The following NUGGC variants were observed in gnomAD, a reference collection of about 807,000 sequenced individuals.
NUGGC encodes nuclear GTPase, germinal center associated, also known as nuclear GTPase SLIP-GC.
In NUGGC, 58 loss-of-function variants were observed where a neutral mutation model predicts 92.6. The observed-to-expected ratio is 0.63, with a 90% CI of 0.51 to 0.78. The LOEUF (loss-of-function observed/expected upper bound fraction) is 0.78. Among genes scored for constraint, NUGGC ranks in the 30% least tolerant of loss-of-function variants. The probability of loss-of-function intolerance (pLI) is 0.00; values close to 1 mark genes in which losing one functional copy is unlikely to be tolerated. For missense variants in NUGGC, 925 were observed against 964.6 expected, an observed-to-expected ratio of 0.96 and a Z score of 0.54; for synonymous variants, 376 against 366.4, an observed-to-expected ratio of 1.03 and a Z score of -0.30.
chr8:28,056,333 C>T (rs1041394325), intron 9 of NUGGC, among the ~76,000 whole-genome samples: 2 of 152,030 alleles, frequency 1.3e-5, no homozygotes, highest in Non-Finnish European at 2.9e-5. Flanking sequence ...AAAAAATTAG[C>T]TAGGCGTGGC....
chr8:28,070,063 G>A, intron 3 of NUGGC, 189 bp downstream of exon 3: 1 of 978,650 alleles, frequency 1.0e-6, no homozygotes, highest in Non-Finnish European at 1.2e-6. Flanking sequence ...CAACCCTCCT[G>A]CCCACAGATG....
At chr8:28,059,211 T>C (rs1810229265) in intron 8 of NUGGC, among the ~76,000 whole-genome samples, 1 of 152,100 alleles carries the variant, frequency 6.6e-6, no homozygotes, top group Non-Finnish European at 1.5e-5. Context: ...AAGGAGCTCT[T>C]GTTGGAGGTG....
intron 18 of NUGGC, among the ~76,000 whole-genome samples, chr8:28,026,577 C>T (rs1207179151): frequency 3.3e-5 from 5 of 152,192 alleles, no homozygotes; most frequent in African/African-American, 9.7e-5. Flanking sequence ...TTAAATTAGC[C>T]GCTTTCCAGC....
chr8:28,036,723 G>A (rs1809563751), intron 13 of NUGGC, among the ~76,000 whole-genome samples: 1 of 152,124 alleles, frequency 6.6e-6, no homozygotes, highest in African/African-American at 2.4e-5. Context: ...AATCCTCATT[G>A]AGATGTCCTT....
chr8:28,054,889 T>A (rs1345691063), intron 10 of NUGGC, among the ~76,000 whole-genome samples: 1 of 151,476 alleles, frequency 6.6e-6, no homozygotes, highest in Non-Finnish European at 1.5e-5. Context: ...TCTTTAAAAA[T>A]AATAATAATA....
At chr8:28,058,805 C>T (rs1326281930) in intron 8 of NUGGC, among the ~76,000 whole-genome samples, 5 of 151,936 alleles carry the variant, frequency 3.3e-5, no homozygotes, top group South Asian at 2.1e-4. Context: ...CAGGTCCAAG[C>T]GATTCCCCTG....
Position 28,031,239 on chromosome 8 carries a change from G to A in NUGGC, c.1908+4C>T, listed in dbSNP as rs559150872. 10 of 1,613,968 alleles carry A rather than the reference G, an allele frequency of 6.2e-6. No individual in the cohort carries two copies. The highest frequency in any genetic ancestry group is 3.3e-5 in the Admixed American group (2 of 60,028). On this transcript the variant is annotated splice_donor_region_variant and intron_variant, in intron 15 of 18. Coordinates refer to ENST00000413272, the MANE Select transcript of NUGGC (RefSeq NM_001010906.2). ...CTGCTCTCCTCACTTTATAAGGAAC[G>A]TACCTCCTGGATCAGGAAATTTTTT...
At chr8:28,067,840 G>A (rs1200103735) in intron 5 of NUGGC, 96 bp from the exon 6 acceptor site, 3 of 911,846 alleles carry the variant, frequency 3.3e-6, no homozygotes, top group East Asian at 5.2e-5. Flanking sequence ...GGGCCAGGGG[G>A]CTGCATATTC....
intron 13 of NUGGC, among the ~76,000 whole-genome samples, chr8:28,038,723 C>T (rs986711153): frequency 6.6e-6 from 1 of 152,176 alleles, no homozygotes; most frequent in African/African-American, 2.4e-5. Context: ...TTGGCAAATA[C>T]AAGTTGCTGC....
intron 5 of NUGGC, 149 bp from the exon 6 acceptor site, chr8:28,067,893 G>C: frequency 1.5e-6 from 1 of 669,756 alleles, no homozygotes; most frequent in Non-Finnish European, 2.5e-6. Flanking sequence ...AGAGGGGAAT[G>C]GCTTGCCCAA....
At chr8:28,047,665 C>T in intron 10 of NUGGC, 53 bp from the exon 11 acceptor site, 1 of 1,105,374 alleles carries the variant, frequency 9.0e-7, no homozygotes. Context: ...ATAGCAAAGG[C>T]AATCATGCAC....
Position 28,023,153 on chromosome 8 carries a change from G to A in NUGGC, c.*164C>T, listed in dbSNP as rs1809160912. 9 of 668,638 alleles carry A rather than the reference G, an allele frequency of 1.3e-5. No individual in the cohort carries two copies. The highest frequency in any genetic ancestry group is 5.8e-5 in the East Asian group (2 of 34,230). The allele number at this position is 668,638 out of a possible 1,614,324, so 41.4% of individuals were successfully genotyped here. On this transcript the variant is annotated 3_prime_UTR_variant, in exon 19 of 19. Coordinates refer to ENST00000413272, the MANE Select transcript of NUGGC (RefSeq NM_001010906.2). ...CTCTGGAGGCTGAGGCTGGAGGATC[G>A]CTTGAGCCTAGGAGTTCGAGGCTGC... is the stretch of plus-strand genomic sequence containing the variant.
chr8:28,079,284 G>A (rs1810792152), intron 1 of NUGGC, among the ~76,000 whole-genome samples: 2 of 152,274 alleles, frequency 1.3e-5, no homozygotes, highest in South Asian at 4.1e-4. Flanking sequence ...GCTCTCGCCT[G>A]TAATCCCAGC....
intron 7 of NUGGC, among the ~76,000 whole-genome samples, chr8:28,061,935 G>C (rs899883673): frequency 6.6e-6 from 1 of 152,164 alleles, no homozygotes; most frequent in African/African-American, 2.4e-5. Flanking sequence ...AGGGCAGTGG[G>C]TTTCAGCTTG....
intron 12 of NUGGC, among the ~76,000 whole-genome samples, chr8:28,042,330 C>G (rs1365817619): frequency 1.3e-5 from 2 of 152,192 alleles, no homozygotes; most frequent in Non-Finnish European, 1.5e-5. Flanking sequence ...CACTCCCCAG[C>G]TTGGCCTTTA....
chr8:28,065,622 C>T (rs960836082), intron 6 of NUGGC, among the ~76,000 whole-genome samples: 8 of 152,282 alleles, frequency 5.3e-5, no homozygotes, highest in African/African-American at 1.7e-4. Flanking sequence ...ATGACACATC[C>T]ATGCCAGCAA....
chr8:28,072,614 A>G (rs143357170), intron 2 of NUGGC, among the ~76,000 whole-genome samples: 369 of 152,310 alleles, frequency 2.4e-3, no homozygotes, highest in African/African-American at 8.6e-3. Context: ...TTGGAAGCTT[A>G]TTTCTCAACT....
intron 18 of NUGGC, among the ~76,000 whole-genome samples, chr8:28,026,488 C>T (rs1408593463): frequency 6.6e-6 from 1 of 152,154 alleles, no homozygotes; most frequent in African/African-American, 2.4e-5. Context: ...TCCACCATCA[C>T]CAGACCATGA....
At chr8:28,024,552 T>C (rs186346780) in intron 18 of NUGGC, among the ~76,000 whole-genome samples, 12 of 152,346 alleles carry the variant, frequency 7.9e-5, no homozygotes, top group Non-Finnish European at 1.5e-4. Flanking sequence ...CTACTGGTTC[T>C]GTTTATCTGG....
Sources: gnomAD v4.1 joint callset for allele counts (sites outside exome capture counted in the v4.1 genomes callset) on GRCh38, gnomAD v4.1.1 for gene constraint, MANE v1.5 for transcripts, NCBI Gene and HGNC (gene_info 2026-07-23, HGNC 2026-07-21) for gene names.